PRDM16: variants seen among roughly 807,000 people sequenced by gnomAD.
PRDM16 encodes histone-lysine N-methyltransferase PRDM16.
PRDM16 carries 23 observed loss-of-function variants against 110.6 expected under a neutral mutation model. The observed-to-expected ratio is 0.21, with a 90% CI of 0.15 to 0.29. The LOEUF is 0.29. Ranked by LOEUF, PRDM16 falls within the 10% of genes least tolerant of loss-of-function variation. The pLI, the probability that PRDM16 is intolerant of heterozygous loss-of-function variation, is 1.00. For missense variants in PRDM16, 1,615 were observed against 1,794.3 expected (o/e 0.90, Z 1.81); for synonymous variants, 799 against 781.8 (o/e 1.02, Z -0.37).
chr1:3,269,793 A>AGGAGGAGCATACTCCTG, intron 3 of PRDM16, among the ~76,000 whole-genome samples: 1 of 101,946 alleles, frequency 9.8e-6, no homozygotes, highest in Admixed American at 1.0e-4. Context: ...GGAAAGTCTC[A>AGGAGGAGCATACTCCTG]GAGGAGGACA....
At chr1:3,159,092 G>T (rs1328111756) in intron 1 of PRDM16, among the ~76,000 whole-genome samples, 3 of 152,212 alleles carry the variant, frequency 2.0e-5, no homozygotes, top group Admixed American at 6.5e-5. Flanking sequence ...TAGGAAGTAT[G>T]GAAAGTGAGC....
chr1:3,128,797 C>A (rs1010381121), intron 1 of PRDM16, among the ~76,000 whole-genome samples: 11 of 152,342 alleles, frequency 7.2e-5, no homozygotes, highest in Admixed American at 2.0e-4. Flanking sequence ...TTGGGCGTAG[C>A]CTGAAGAGTG....
intron 1 of PRDM16, among the ~76,000 whole-genome samples, chr1:3,084,942 C>T (rs749865026): frequency 1.6e-4 from 24 of 152,296 alleles, no homozygotes; most frequent in African/African-American, 4.6e-4. Context: ...GGAGCTCAGC[C>T]GCGCACCCTG....
intron 2 of PRDM16, among the ~76,000 whole-genome samples, chr1:3,219,695 T>C (rs1159579588): frequency 1.3e-5 from 2 of 152,090 alleles, no homozygotes; most frequent in East Asian, 1.9e-4. Flanking sequence ...GGGCTGAACA[T>C]GGCAGGAGCA....
At chr1:3,329,796 GC>G (rs1160263706) in intron 3 of PRDM16, among the ~76,000 whole-genome samples, 2 of 152,240 alleles carry the variant, frequency 1.3e-5, no homozygotes, top group African/African-American at 2.4e-5. Flanking sequence ...CCTGGGAGAG[GC>G]CCCCACTGCC....
rs1638576066 is a variant in PRDM16, at chr1:3,425,467, A to G, written c.2940-114A>G. On this transcript the variant is annotated intron_variant, in intron 12 of 16. Transcript: ENST00000270722. This position sits in a 1 kb window ranked among gnomAD's most constrained non-coding sequence, Gnocchi z 6.9. ...CAACCTCCGGGACACGGCGGGGCAA[A>G]GCTGTGCACGGGGCACGGGGCAGGG... The G allele has an allele frequency of 8.6e-7, 1 of 1,156,904 alleles. No homozygotes were observed. Among genetic ancestry groups the G allele is most frequent in the East Asian group, 2.4e-5 (1 of 40,834 alleles). 71.7% of individuals were successfully genotyped at this position (1,156,904 alleles called of 1,614,324 possible).
intron 3 of PRDM16, among the ~76,000 whole-genome samples, chr1:3,298,859 T>C (rs574362985): frequency 6.6e-6 from 1 of 152,340 alleles, no homozygotes; most frequent in East Asian, 1.9e-4. Context: ...CTTTTGTCTT[T>C]GGACTTTTGC....
At chr1:3,302,288 G>A (rs2100392578) in intron 3 of PRDM16, among the ~76,000 whole-genome samples, 1 of 152,216 alleles carries the variant, frequency 6.6e-6, no homozygotes, top group South Asian at 2.1e-4. Context: ...CAAAGCCAGT[G>A]ACGCAAATGT....
At chr1:3,181,564 ACG>A (rs1232463894) in intron 1 of PRDM16, among the ~76,000 whole-genome samples, 1 of 113,240 alleles carries the variant, frequency 8.8e-6, no homozygotes, top group Admixed American at 9.9e-5. Context: ...AGTCTTACAC[ACG>A]CAGTCTTACA....
At chr1:3,362,293 C>T (rs1642729071) in intron 3 of PRDM16, among the ~76,000 whole-genome samples, 2 of 152,018 alleles carry the variant, frequency 1.3e-5, no homozygotes, top group African/African-American at 2.4e-5. Context: ...CCATGCATAG[C>T]GGGCACGTGG....
At chr1:3,079,357 C>T (rs976279337) in intron 1 of PRDM16, among the ~76,000 whole-genome samples, 2 of 151,908 alleles carry the variant, frequency 1.3e-5, no homozygotes, top group Non-Finnish European at 2.9e-5. Flanking sequence ...GCACAGGGCT[C>T]CTTCATGCTG....
intron 3 of PRDM16, among the ~76,000 whole-genome samples, chr1:3,268,501 G>A (rs897209608): frequency 3.3e-5 from 5 of 152,208 alleles, no homozygotes; most frequent in African/African-American, 9.6e-5. Flanking sequence ...CGGGCCCTGC[G>A]AGGGGCGAGG....
chr1:3,210,463 G>A (rs1176653765), intron 2 of PRDM16, among the ~76,000 whole-genome samples: 1 of 152,266 alleles, frequency 6.6e-6, no homozygotes, highest in Non-Finnish European at 1.5e-5. Context: ...CCCAGAGCCT[G>A]TGGGCATCAT....
At chr1:3,172,476 C>T (rs529566168) in intron 1 of PRDM16, among the ~76,000 whole-genome samples, 14 of 152,296 alleles carry the variant, frequency 9.2e-5, no homozygotes, top group African/African-American at 2.9e-4. Flanking sequence ...TAGATTCAGA[C>T]GGCACACGCA....
chr1:3,255,719 A>G lies in PRDM16; in HGVS notation c.438+11582A>G, dbSNP rs990692837. 6.6e-6 allele frequency among the ~76,000 whole-genome samples: 1 copy of G among 152,176 alleles called. No individual in the cohort carries two copies. Among genetic ancestry groups the G allele is most frequent in the Admixed American group, 6.5e-5 (1 of 15,284 alleles). ...CCTGCCCCCCTTGGATGCCAGAGCT[A>G]TCTGGGAGTTGTGAAATATTCCTGG... On this transcript the variant is annotated intron_variant, in intron 3 of 16. Coordinates refer to ENST00000270722, the MANE Select transcript of PRDM16 (RefSeq NM_022114.4). This position sits in a 1 kb window ranked among gnomAD's most constrained non-coding sequence, Gnocchi z 4.7.
Position 3,143,838 on chromosome 1 carries a change from G to A in PRDM16, c.38-42287G>A, listed in dbSNP as rs1643596435. ...GGTGTGTGTCACACACCTCTGGTCT[G>A]CAGCCCCTGGGAGCTGAGGCCCTGT... On this transcript the variant is annotated intron_variant, in intron 1 of 16. Coordinates refer to ENST00000270722, the MANE Select transcript of PRDM16 (RefSeq NM_022114.4). This position sits in a 1 kb window ranked among gnomAD's most constrained non-coding sequence, Gnocchi z 4.5. Among the ~76,000 whole-genome samples the A allele has an allele frequency of 6.6e-6, 1 of 152,188 alleles. No individual in the cohort carries two copies. The highest frequency in any genetic ancestry group is 2.4e-5 in the African/African-American group (1 of 41,436).
Position 3,186,493 on chromosome 1 carries a change from G to A in PRDM16, c.387+19G>A, listed in dbSNP as rs758214564. The A allele has an allele frequency of 2.8e-6, 4 of 1,408,008 alleles. No homozygotes were observed. The highest frequency in any genetic ancestry group is 2.8e-5 in the South Asian group (2 of 72,556). The allele number at this position is 1,408,008 out of a possible 1,614,324, so 87.2% of individuals were successfully genotyped here. A position where few individuals can be genotyped will look rare whatever the true frequency, so the allele number is the denominator to read the frequency against. The stretch of plus-strand genomic sequence containing the variant: ...ATGGGAGGTGAGCGATCGCGCCTGA[G>A]TATGATTGATCACGGCCATTTATCT... On this transcript the variant is annotated intron_variant, in intron 2 of 16. Transcript: ENST00000270722.
At chr1:3,401,568 G>A (rs564381917) in intron 5 of PRDM16, among the ~76,000 whole-genome samples, 202 of 152,192 alleles carry the variant, frequency 1.3e-3, no homozygotes, top group African/African-American at 4.5e-3. Context: ...ATTCATGCCT[G>A]CACAACTACA....
rs1010147944 is a variant in PRDM16 at position 3,209,353 on chromosome 1, C to T, written c.387+22879C>T. On this transcript the variant is annotated intron_variant, in intron 2 of 16. Transcript: ENST00000270722. The surrounding 1 kb of genome is among the most constrained non-coding windows in gnomAD (Gnocchi z 4.6). ...TTGACATCGGGGCACGCAGCTCCGA[C>T]GTGGCCGGTCCCGACTGGCACACCT... 1.3e-5 allele frequency among the ~76,000 whole-genome samples: 2 copies of T among 152,290 alleles called. No homozygotes were observed. Among genetic ancestry groups the T allele is most frequent in the African/African-American group, 2.4e-5 (1 of 41,574 alleles).
Sources: gnomAD v4.1 joint callset for allele counts (sites outside exome capture counted in the v4.1 genomes callset) on GRCh38, gnomAD v4.1.1 for gene constraint, Gnocchi (gnomAD v3.1) non-coding constraint, MANE v1.5 for transcripts, NCBI Gene and HGNC (gene_info 2026-07-23, HGNC 2026-07-21) for gene names.